SLCO1A2: variants seen among roughly 807,000 people sequenced by gnomAD.
SLCO1A2 encodes solute carrier organic anion transporter family member 1A2, also known as OATP-1.
In SLCO1A2, 67 loss-of-function variants were observed where a neutral mutation model predicts 69.0. The ratio of observed to expected loss-of-function variants is 0.97; its 90% CI spans 0.80 to 1.19. The LOEUF is 1.19. Ranked by LOEUF, SLCO1A2 falls within the 50% of genes most tolerant of loss-of-function variation. The pLI is 0.00. For synonymous variants in SLCO1A2, 260 were observed against 265.9 expected (o/e 0.98, Z 0.22); for missense variants, 787 against 793.7 (o/e 0.99, Z 0.10).
At chr12:21,394,726 G>A (rs1440634394) in intron 1 of SLCO1A2, among the ~76,000 whole-genome samples, 1 of 151,992 alleles carries the variant, frequency 6.6e-6, no homozygotes, top group Non-Finnish European at 1.5e-5. Flanking sequence ...GCTGGTCCTG[G>A]GGAATAGTAA....
chr12:21,296,501 C>G (rs924996283), intron 9 of SLCO1A2, among the ~76,000 whole-genome samples: 1 of 152,128 alleles, frequency 6.6e-6, no homozygotes, highest in Non-Finnish European at 1.5e-5. Flanking sequence ...CCTCAGCATC[C>G]CAAAGTGCTG....
intron 1 of SLCO1A2, among the ~76,000 whole-genome samples, chr12:21,387,364 T>TAGG (rs1176726380): frequency 6.6e-6 from 1 of 152,148 alleles, no homozygotes; most frequent in Admixed American, 6.5e-5. Context: ...TCCCAGGCCC[T>TAGG]GAGGCCTAGG....
intron 2 of SLCO1A2, among the ~76,000 whole-genome samples, chr12:21,341,791 A>G (rs528396651): frequency 1.3e-3 from 198 of 152,212 alleles, no homozygotes; most frequent in Non-Finnish European, 2.2e-4. Flanking sequence ...TTTAAATCAT[A>G]TAAAGGAAAC....
chr12:21,375,794 T>C lies in SLCO1A2; in HGVS notation c.-189-1269A>G, dbSNP rs1029727083. Among the ~76,000 whole-genome samples, 3 of 152,240 alleles carry C rather than the reference T, an allele frequency of 2.0e-5. No homozygotes were observed. The East Asian group carries it at 5.8e-4, about 29-fold the overall frequency. ...TTATACTTTGGCTTATTGTCATCTCTGTTTAAACTCTCTTAAAGTCAAGAA... is the reference window on the plus strand; with the variant it reads ...TTATACTTTGGCTTATTGTCATCTCCGTTTAAACTCTCTTAAAGTCAAGAA... On this transcript the variant is annotated intron_variant, in intron 1 of 15. Coordinates refer to the SLCO1A2 transcript ENST00000307378.
intron 1 of SLCO1A2, among the ~76,000 whole-genome samples, chr12:21,393,834 T>C (rs114961616): frequency 0.012 from 1,836 of 152,326 alleles, 43 homozygotes; most frequent in African/African-American, 0.042. Flanking sequence ...AACTTATCAA[T>C]TGACAGTAAT....
intron 12 of SLCO1A2, among the ~76,000 whole-genome samples, chr12:21,285,943 T>A (rs1050687273): frequency 1.1e-4 from 16 of 152,040 alleles, no homozygotes; most frequent in Non-Finnish European, 2.2e-4. Flanking sequence ...CTTTGAAAAC[T>A]GGCACAAGAC....
rs1174731437 is a variant in SLCO1A2 at position 21,306,929 on chromosome 12, C to T, written c.395G>A (p.Cys132Tyr). Residue 132 changes from cysteine to tyrosine, a missense_variant, in exon 5 of 15, where the codon TGT (cysteine) becomes TAT (tyrosine). Transcript: ENST00000683939. Reference sequence around the variant, plus strand: ...TAAAATCTGGGTTCCATTTTCCATACACAAGAAACTGTTTGAGGACAAGTT... The same window carrying T: ...TAAAATCTGGGTTCCATTTTCCATATACAAGAAACTGTTTGAGGACAAGTT... ...SGNLSSNSFL[C>Y]MENGTQILRP... 6.2e-7 allele frequency: 1 copy of T among 1,613,942 alleles called. No individual in the cohort carries two copies.
At chr12:21,351,442 C>T (rs1937947140) in intron 2 of SLCO1A2, among the ~76,000 whole-genome samples, 1 of 151,902 alleles carries the variant, frequency 6.6e-6, no homozygotes, top group Non-Finnish European at 1.5e-5. Flanking sequence ...TGGTGCCTTG[C>T]ATTTTTTTTA....
At chr12:21,323,250 G>A (rs1951859765) in intron 2 of SLCO1A2, among the ~76,000 whole-genome samples, 1 of 152,106 alleles carries the variant, frequency 6.6e-6, no homozygotes, top group African/African-American at 2.4e-5. Flanking sequence ...GCATTGCTCT[G>A]AAAAATAATT....
chr12:21,357,266 G>C (rs566399723), intron 2 of SLCO1A2, among the ~76,000 whole-genome samples: 1 of 152,150 alleles, frequency 6.6e-6, no homozygotes, highest in East Asian at 1.9e-4. Flanking sequence ...ACTGGTGGAC[G>C]TATAAAAAGG....
chr12:21,282,055 C>A (rs1944889031), intron 12 of SLCO1A2, among the ~76,000 whole-genome samples: 1 of 151,454 alleles, frequency 6.6e-6, no homozygotes, highest in Non-Finnish European at 1.5e-5. Flanking sequence ...AGGAGAGAAG[C>A]CTTCCAAACT....
At chr12:21,295,484 A>T in intron 10 of SLCO1A2, 113 bp downstream of exon 10, 1 of 692,964 alleles carries the variant, frequency 1.4e-6, no homozygotes, top group Non-Finnish European at 2.5e-6. Context: ...AAAAGCATGG[A>T]TTACTATCAT....
chr12:21,346,055 G>GA (rs1953241983), intron 2 of SLCO1A2, among the ~76,000 whole-genome samples: 1 of 151,682 alleles, frequency 6.6e-6, no homozygotes, highest in Non-Finnish European at 1.5e-5. Context: ...TCTTATATGT[G>GA]AAAAATATAC....
chr12:21,312,078 G>C (rs1950286683), intron 4 of SLCO1A2, among the ~76,000 whole-genome samples: 1 of 126,150 alleles, frequency 7.9e-6, no homozygotes, highest in Non-Finnish European at 2.0e-5. Flanking sequence ...GGAAGAAGAA[G>C]AGGAGGAGGA....
intron 11 of SLCO1A2, among the ~76,000 whole-genome samples, chr12:21,293,559 A>G (rs914297751): frequency 1.4e-5 from 2 of 142,380 alleles, no homozygotes; most frequent in African/African-American, 5.7e-5. Flanking sequence ...ATACATATAC[A>G]CAGAAAAATA....
intron 2 of SLCO1A2, among the ~76,000 whole-genome samples, chr12:21,320,066 C>T (rs1390281397): frequency 1.3e-5 from 2 of 152,030 alleles, no homozygotes; most frequent in Non-Finnish European, 2.9e-5. Flanking sequence ...TTTGCTTGGT[C>T]CTATTGAAGA....
At chr12:21,331,553 T>C (rs1018790739) in intron 2 of SLCO1A2, among the ~76,000 whole-genome samples, 6 of 151,878 alleles carry the variant, frequency 4.0e-5, no homozygotes, top group African/African-American at 1.5e-4. Context: ...AGCACTCTAA[T>C]GCTAAGGAGA....
chr12:21,280,577 T>A (rs557653195), intron 12 of SLCO1A2, among the ~76,000 whole-genome samples: 2 of 150,438 alleles, frequency 1.3e-5, no homozygotes, highest in South Asian at 4.2e-4. Context: ...CCCAGATATA[T>A]AAAGCAAATA....
At position 21,268,297 on chromosome 12, in the gene SLCO1A2, C is replaced by T. The variant is rs1282227414; in HGVS notation, c.*1251G>A. On this transcript the variant is annotated 3_prime_UTR_variant, in exon 15 of 15. Coordinates refer to ENST00000683939, the MANE Select transcript of SLCO1A2 (RefSeq NM_001386879.1). ...CTCCACTCTGTTGTATCCCTGCAGA[C>T]ACTCTCACTCCATTTATAGTACACA... is the stretch of plus-strand genomic sequence containing the variant. 1.3e-5 allele frequency: 2 copies of T among 152,062 alleles called. No homozygotes were observed. Among genetic ancestry groups the T allele is most frequent in the African/African-American group, 2.4e-5 (1 of 41,416 alleles). The allele number at this position is 152,062 out of a possible 1,614,324, so 9.4% of individuals were successfully genotyped here.
Sources: allele counts gnomAD v4.1 joint callset (sites outside exome capture counted in the v4.1 genomes callset), GRCh38; gene constraint gnomAD v4.1.1; transcripts MANE v1.5; gene names NCBI Gene and HGNC (gene_info 2026-07-23, HGNC 2026-07-21).